Variants in PNKD observed in about 807,000 individuals in gnomAD.
The protein encoded by PNKD is PNKD metallo-beta-lactamase domain containing.
A neutral mutation model predicts 45.3 loss-of-function variants in PNKD; 36 were observed. That is an observed-to-expected ratio of 0.80 (90% CI 0.61 to 1.05). The LOEUF is 1.05. Among genes scored for constraint, PNKD ranks in the 50% least tolerant of loss-of-function variants. The pLI is 0.00. For missense variants in PNKD, 511 were observed against 506.6 expected (o/e 1.01, Z -0.08); for synonymous variants, 197 against 210.1 (o/e 0.94, Z 0.54).
chr2:218,341,586 G>T lies in PNKD; in HGVS notation c.577G>T (p.Val193Leu), dbSNP rs1694678488. The change falls in exon 6 of 10, where the codon GTG becomes TTG. Residue 193 changes from valine to leucine, a missense_variant. Physicochemically the swap from Val to Leu is conservative, Grantham distance 32 (BLOSUM62 1). Coordinates refer to ENST00000273077, the MANE Select transcript of PNKD (RefSeq NM_015488.5). ...CAGCCGGCGGCACCGGGACTGTCGG[G>T]TGTACGGGAGCCCTCAGGACGGCAT... Reference protein sequence around the residue: ...DLSRRHRDCRVYGSPQDGIPY... With the variant: ...DLSRRHRDCRLYGSPQDGIPY... 2 of 1,597,238 alleles carry T rather than the reference G, an allele frequency of 1.3e-6. No homozygotes were observed. Among genetic ancestry groups the T allele is most frequent in the African/African-American group, 1.3e-5 (1 of 74,546 alleles).
At chr2:218,321,423 C>T (rs532381005) in intron 2 of PNKD, among the ~76,000 whole-genome samples, 4 of 152,122 alleles carry the variant, frequency 2.6e-5, no homozygotes, top group South Asian at 4.1e-4. Flanking sequence ...TAATTACAGG[C>T]GAGGAGACAG....
chr2:218,302,021 T>C (rs1693285109), intron 2 of PNKD, among the ~76,000 whole-genome samples: 2 of 152,202 alleles, frequency 1.3e-5, no homozygotes, highest in South Asian at 2.1e-4. Context: ...CTGTAATACA[T>C]GCACTTAAGG....
chr2:218,319,912 C>T (rs1693939115), intron 2 of PNKD, among the ~76,000 whole-genome samples: 1 of 152,274 alleles, frequency 6.6e-6, no homozygotes, highest in Non-Finnish European at 1.5e-5. Context: ...TGACACCCAA[C>T]AGCTAAGAAG....
intron 2 of PNKD, chr2:218,276,222 A>G: frequency 1.2e-6 from 1 of 836,786 alleles, no homozygotes. Context: ...GCCTTTCCAG[A>G]TCTTGGAGGA....
chr2:218,276,062 C>G (rs769995398), intron 2 of PNKD: 1 of 1,612,938 alleles, frequency 6.2e-7, no homozygotes. Flanking sequence ...CAGCATAGAG[C>G]ATGTGGAGCC....
chr2:218,332,338 G>C (rs540627490), intron 2 of PNKD, among the ~76,000 whole-genome samples: 1 of 152,264 alleles, frequency 6.6e-6, no homozygotes, highest in East Asian at 1.9e-4. Context: ...AGGGCTAAAT[G>C]CAACTGCGAG....
At chr2:218,284,856 C>T (rs1345493863) in intron 2 of PNKD, among the ~76,000 whole-genome samples, 1 of 152,136 alleles carries the variant, frequency 6.6e-6, no homozygotes, top group Non-Finnish European at 1.5e-5. Context: ...TTTGAGAGGC[C>T]GAGGCAGGTG....
chr2:218,280,507 G>A (rs567948713), intron 2 of PNKD: 48 of 271,434 alleles, frequency 1.8e-4, no homozygotes, highest in African/African-American at 8.2e-4. Context: ...AAAGGAGGGC[G>A]GCAGAGCGCA....
At chr2:218,314,222 C>CTTTCTTT (rs1693702509) in intron 2 of PNKD, among the ~76,000 whole-genome samples, 1 of 67,710 alleles carries the variant, frequency 1.5e-5, no homozygotes, top group African/African-American at 6.5e-5. Context: ...CGCGCCCTGG[C>CTTTCTTT]TTTTTTTTTT....
intron 2 of PNKD, among the ~76,000 whole-genome samples, chr2:218,293,652 C>G (rs2106246480): frequency 7.1e-6 from 1 of 141,138 alleles, no homozygotes; most frequent in East Asian, 2.2e-4. Context: ...GTGGCGCCAT[C>G]TCGGCTCACT....
chr2:218,340,839 G>A lies in PNKD; in HGVS notation c.524+53G>A. ...ACCCTTGTCCCAGCTGGGCTTGCCA[G>A]GACTGGGCCCATTGAGGACGGCCGG... On this transcript the variant is annotated intron_variant, in intron 5 of 9. Coordinates refer to ENST00000273077, the MANE Select transcript of PNKD (RefSeq NM_015488.5). The surrounding 1 kb of genome is among the most constrained non-coding windows in gnomAD (Gnocchi z 4.2). 6.7e-7 allele frequency: 1 copy of A among 1,484,938 alleles called. No individual in the cohort carries two copies. The highest frequency in any genetic ancestry group is 1.4e-5 in the African/African-American group (1 of 72,380). The allele number at this position is 1,484,938 out of a possible 1,614,324, so 92.0% of individuals were successfully genotyped here. A position where few individuals can be genotyped will look rare whatever the true frequency, so the allele number is the denominator to read the frequency against.
At chr2:218,293,527 T>G (rs1400762096) in intron 2 of PNKD, among the ~76,000 whole-genome samples, 2 of 151,668 alleles carry the variant, frequency 1.3e-5, no homozygotes, top group Non-Finnish European at 2.9e-5. Context: ...CTGTTTAAAG[T>G]GCTTATCTCA....
At chr2:218,279,370 G>T in intron 2 of PNKD, 1 of 1,541,712 alleles carries the variant, frequency 6.5e-7, no homozygotes, top group East Asian at 2.3e-5. Flanking sequence ...ACAGACGGCC[G>T]GGCATGGGTC....
intron 2 of PNKD, among the ~76,000 whole-genome samples, chr2:218,324,828 A>ATG (rs1694097325): frequency 6.6e-6 from 1 of 151,572 alleles, no homozygotes; most frequent in African/African-American, 2.4e-5. Flanking sequence ...CCAGCTACTC[A>ATG]GGAGGCTGAG....
chr2:218,315,850 A>G (rs1693797561), intron 2 of PNKD, among the ~76,000 whole-genome samples: 1 of 152,360 alleles, frequency 6.6e-6, no homozygotes, highest in Non-Finnish European at 1.5e-5. Flanking sequence ...ACTGTTAACT[A>G]TTATTGCAGT....
chr2:218,272,886 T>C (rs2106179667), intron 2 of PNKD: 1 of 1,580,850 alleles, frequency 6.3e-7, no homozygotes, highest in East Asian at 2.3e-5. Context: ...AACCCTACCC[T>C]GCCCCACACC....
intron 8 of PNKD, 23 bp from the exon 9 acceptor site, chr2:218,344,432 C>T: frequency 6.7e-7 from 1 of 1,498,072 alleles, no homozygotes; most frequent in Admixed American, 1.9e-5. Flanking sequence ...TGCTCTGTGT[C>T]TCACCCTCAT....
At chr2:218,314,998 C>CTTTTG (rs1360868028) in intron 2 of PNKD, among the ~76,000 whole-genome samples, 1 of 118,760 alleles carries the variant, frequency 8.4e-6, no homozygotes, top group African/African-American at 3.4e-5. Flanking sequence ...CTGAGGTTTT[C>CTTTTG]TTTCTTTCTT....
At chr2:218,317,580 TAGG>T (rs1412924699) in intron 2 of PNKD, among the ~76,000 whole-genome samples, 1 of 152,146 alleles carries the variant, frequency 6.6e-6, no homozygotes, top group Admixed American at 6.5e-5. Flanking sequence ...GGAGACAATG[TAGG>T]AGACTAAAGG....
Sources: gnomAD v4.1 joint callset for allele counts (sites outside exome capture counted in the v4.1 genomes callset) on GRCh38, gnomAD v4.1.1 for gene constraint, Gnocchi (gnomAD v3.1) non-coding constraint, MANE v1.5 for transcripts, NCBI Gene and HGNC (gene_info 2026-07-23, HGNC 2026-07-21) for gene names.